DPYSL3: variants seen among roughly 807,000 people sequenced by gnomAD.
DPYSL3 encodes dihydropyrimidinase-related protein 3.
In DPYSL3, 16 loss-of-function variants were observed where a neutral mutation model predicts 66.1. The observed-to-expected ratio is 0.24, with a 90% CI of 0.16 to 0.37. DPYSL3 has a LOEUF of 0.37. Ranked by LOEUF, DPYSL3 falls within the 10% of genes least tolerant of loss-of-function variation. The pLI is 1.00. For missense variants in DPYSL3, 738 were observed against 916.2 expected (o/e 0.81, Z 2.51); for synonymous variants, 338 against 345.1 (o/e 0.98, Z 0.23).
chr5:147,485,078 T>G (rs548598522), intron 1 of DPYSL3, among the ~76,000 whole-genome samples: 1 of 152,378 alleles, frequency 6.6e-6, no homozygotes, highest in South Asian at 2.1e-4. Flanking sequence ...GATCTCTTTT[T>G]TGTAACAGAA....
At chr5:147,432,576 C>T (rs1056844331) in intron 1 of DPYSL3, among the ~76,000 whole-genome samples, 5 of 152,102 alleles carry the variant, frequency 3.3e-5, no homozygotes, top group African/African-American at 1.2e-4. Flanking sequence ...CAGATAAGTA[C>T]AAATAGATAA....
At chr5:147,474,246 C>T (rs1225143319) in intron 1 of DPYSL3, among the ~76,000 whole-genome samples, 1 of 152,054 alleles carries the variant, frequency 6.6e-6, no homozygotes, top group East Asian at 1.9e-4. Flanking sequence ...TCCTCCCATA[C>T]ACATAATGAC....
intron 1 of DPYSL3, among the ~76,000 whole-genome samples, chr5:147,455,517 G>GT (rs1455156734): frequency 5.3e-5 from 8 of 152,186 alleles, no homozygotes; most frequent in Admixed American, 6.5e-5. Context: ...TTCTTAAAGC[G>GT]TAAGTGCTGA....
chr5:147,420,964 TATGGCCGTAGCGCCACTCCTATTCAAC>T lies in DPYSL3; in HGVS notation c.471-2360_471-2334del, dbSNP rs920370627. Among the ~76,000 whole-genome samples the T allele has an allele frequency of 1.2e-4, 18 of 152,206 alleles. 1 individual carries two copies. Among genetic ancestry groups the T allele is most frequent in the Middle Eastern group, 3.4e-3 (1 of 294 alleles). ...ACAAGATCAGGCATGTTCAGGGTGG[TATGGCCGTAGCGCCACTCCTATTCAAC>T]ATCGTATTGGAAGTTCTGGCCAGGG... is the stretch of plus-strand genomic sequence containing the variant. On this transcript the variant is annotated intron_variant, in intron 2 of 13. Transcript: ENST00000343218.
chr5:147,506,616 G>C (rs547025950), intron 1 of DPYSL3, among the ~76,000 whole-genome samples: 7 of 151,908 alleles, frequency 4.6e-5, no homozygotes, highest in East Asian at 1.9e-4. Flanking sequence ...GAATAATAAG[G>C]GTAAGAAAGA....
intron 6 of DPYSL3, among the ~76,000 whole-genome samples, chr5:147,409,232 G>T (rs7737495): frequency 0.02 from 2,974 of 152,266 alleles, 95 homozygotes; most frequent in African/African-American, 0.068. Context: ...AGCAATGTTA[G>T]CCCCTGACCT....
intron 10 of DPYSL3, 115 bp from the exon 11 acceptor site, chr5:147,399,367 C>T: frequency 7.2e-6 from 9 of 1,246,880 alleles, no homozygotes; most frequent in Non-Finnish European, 8.6e-6. Context: ...AAAGGAGCCA[C>T]CTGAAAAGCT....
intron 12 of DPYSL3, 52 bp downstream of exon 12, chr5:147,397,613 CG>C (rs897318074): frequency 1.0e-5 from 16 of 1,562,074 alleles, no homozygotes; most frequent in African/African-American, 1.4e-5. Context: ...TATCTCTGAG[CG>C]TGAGTGGAAC....
rs768220433 is a variant in DPYSL3, at chr5:147,394,111, T to G, written c.1979A>C (p.Asp660Ala). Residue 660 changes from aspartate (D) to alanine (A), a missense_variant, in exon 14 of 14, where the codon GAT becomes GCT. Coordinates refer to ENST00000343218, the MANE Select transcript of DPYSL3 (RefSeq NM_001197294.2). ...CTTGCTGGCTGAGCGAACCCCCTCA[T>G]CCACTTGGGTGCCTACAGTTGGAAA... ...SGFSLSGTQV[D>A]EGVRSASKRI... 9.3e-6 allele frequency: 15 copies of G among 1,613,416 alleles called. No homozygotes were observed. The Admixed American group carries it at 1.2e-4, about 13-fold the overall frequency.
intron 1 of DPYSL3, among the ~76,000 whole-genome samples, chr5:147,497,927 T>G (rs1193013264): frequency 6.6e-6 from 1 of 151,980 alleles, no homozygotes; most frequent in Non-Finnish European, 1.5e-5. Context: ...TCTCTCTCTC[T>G]CTCTTTCTCT....
At chr5:147,490,710 C>T (rs753011303) in intron 1 of DPYSL3, among the ~76,000 whole-genome samples, 1 of 152,140 alleles carries the variant, frequency 6.6e-6, no homozygotes, top group Admixed American at 6.5e-5. Context: ...GGTAGACAGA[C>T]AGACAGATAC....
rs371658842 is a variant in DPYSL3, at chr5:147,399,285, A to G, written c.1453-33T>C. On this transcript the variant is annotated intron_variant, in intron 10 of 13. Coordinates refer to ENST00000343218, the MANE Select transcript of DPYSL3 (RefSeq NM_001197294.2). ...AATATAAGAAATTATATCTATATCT[A>G]TAGCTACATATATATCAATTCAGGG... is the stretch of plus-strand genomic sequence containing the variant. 12 of 1,598,980 alleles carry G rather than the reference A, an allele frequency of 7.5e-6. No individual in the cohort carries two copies. The African/African-American group carries it at 9.4e-5, about 13-fold the overall frequency.
At chr5:147,433,085 G>A (rs1752343867) in intron 1 of DPYSL3, among the ~76,000 whole-genome samples, 1 of 152,170 alleles carries the variant, frequency 6.6e-6, no homozygotes, top group Non-Finnish European at 1.5e-5. Context: ...GTCATTATGT[G>A]ATTCCATGTT....
At chr5:147,484,112 C>T (rs530762402) in intron 1 of DPYSL3, among the ~76,000 whole-genome samples, 3 of 152,306 alleles carry the variant, frequency 2.0e-5, no homozygotes, top group Non-Finnish European at 2.9e-5. Flanking sequence ...ACCAGGTTCC[C>T]GGCAAGTAAC....
chr5:147,408,818 G>T (rs920669042), intron 6 of DPYSL3, 22 bp from the exon 7 acceptor site: 2 of 1,613,698 alleles, frequency 1.2e-6, no homozygotes, highest in Non-Finnish European at 1.7e-6. Flanking sequence ...AAAGAAAATA[G>T]TTCTTCAATA....
chr5:147,494,000 C>T (rs1205972486), intron 1 of DPYSL3, among the ~76,000 whole-genome samples: 1 of 152,056 alleles, frequency 6.6e-6, no homozygotes, highest in African/African-American at 2.4e-5. Flanking sequence ...CAAGACCAGC[C>T]TGGCCAACAT....
chr5:147,439,040 C>T (rs1346190031), intron 1 of DPYSL3, among the ~76,000 whole-genome samples: 1 of 152,196 alleles, frequency 6.6e-6, no homozygotes, highest in African/African-American at 2.4e-5. Flanking sequence ...TCCTTGACAA[C>T]TGTTCTCGCC....
At position 147,395,713 on chromosome 5, in the gene DPYSL3, G is replaced by A. The variant is rs200587767; in HGVS notation, c.1812C>T (p.Asp604=). Residue 604 remains aspartate, a synonymous_variant, in exon 13 of 14, where the codon GAC becomes GAT. Coordinates refer to ENST00000343218, the MANE Select transcript of DPYSL3 (RefSeq NM_001197294.2). ...ACATGCCCCTTGGGACGGCATGCAG[G>A]TCTGCCATCTGCAGCCAGAGAAGAG... ...KRIKARRKMA[D]LHAVPRGMYD... is the part of the protein sequence containing the mutation. The A allele has an allele frequency of 6.2e-7, 1 of 1,613,820 alleles. No individual in the cohort carries two copies. The highest frequency in any genetic ancestry group is 8.5e-7 in the Non-Finnish European group (1 of 1,180,006).
At chr5:147,426,200 A>C (rs1561783605) in intron 1 of DPYSL3, among the ~76,000 whole-genome samples, 2 of 152,260 alleles carry the variant, frequency 1.3e-5, no homozygotes, top group Admixed American at 6.5e-5. Context: ...AGGCTGGAAA[A>C]TGTCTTTTCA....
Sources: gnomAD v4.1 joint callset for allele counts (sites outside exome capture counted in the v4.1 genomes callset) on GRCh38, gnomAD v4.1.1 for gene constraint, MANE v1.5 for transcripts, NCBI Gene and HGNC (gene_info 2026-07-23, HGNC 2026-07-21) for gene names.